PRKCE: variants seen among roughly 807,000 people sequenced by gnomAD.
PRKCE encodes protein kinase C epsilon type.
In PRKCE, 16 loss-of-function variants were observed where a neutral mutation model predicts 85.4. That is an observed-to-expected ratio of 0.19 (90% CI 0.13 to 0.28). PRKCE has a LOEUF of 0.28. Ranked by LOEUF, PRKCE falls within the 10% of genes least tolerant of loss-of-function variation. The pLI is 1.00. For missense variants in PRKCE, 573 were observed against 975.2 expected (o/e 0.59, Z 5.49); for synonymous variants, 388 against 371.5 (o/e 1.04, Z -0.51).
intron 2 of PRKCE, among the ~76,000 whole-genome samples, chr2:45,920,532 T>C (rs994803668): frequency 2.0e-5 from 3 of 152,154 alleles, no homozygotes; most frequent in African/African-American, 7.2e-5. Context: ...AATGGATAAA[T>C]AAAATGTGAA....
At chr2:46,006,260 G>C (rs898889915) in intron 8 of PRKCE, among the ~76,000 whole-genome samples, 1 of 152,202 alleles carries the variant, frequency 6.6e-6, no homozygotes, top group African/African-American at 2.4e-5. Flanking sequence ...AAACAACTAT[G>C]TTTTGCCTTC....
chr2:45,831,782 G>A (rs193140135), intron 1 of PRKCE, among the ~76,000 whole-genome samples: 1 of 152,196 alleles, frequency 6.6e-6, no homozygotes, highest in East Asian at 1.9e-4. Flanking sequence ...GAGTTATGGG[G>A]CAGAGGACTG....
chr2:45,884,997 A>ATTTTTTT lies in PRKCE; in HGVS notation c.412+41935_412+41936insTTTTTTT, dbSNP rs1360794938. On this transcript the variant is annotated intron_variant, in intron 2 of 14. Transcript: ENST00000306156. ...TATATATATATATATATATATATAT[A>ATTTTTTT]TATATTTGTTGTTGTTGTTGTTGTT... Among the ~76,000 whole-genome samples, 25 of 69,624 alleles carry ATTTTTTT rather than the reference A, an allele frequency of 3.6e-4. 3 individuals are homozygous for ATTTTTTT. In the East Asian group the frequency reaches 4.2e-3, roughly 12 times the overall value. The allele number at this position is 69,624 out of a possible 152,430, so 45.7% of individuals were successfully genotyped here. A position where few individuals can be genotyped will look rare whatever the true frequency, so the allele number is the denominator to read the frequency against.
chr2:45,772,897 A>C (rs376820296), intron 1 of PRKCE, among the ~76,000 whole-genome samples: 60 of 152,038 alleles, frequency 3.9e-4, no homozygotes, highest in African/African-American at 1.4e-3. Context: ...CACCCTATTG[A>C]GCCCCTGTTT....
At chr2:45,767,053 T>A (rs1684968926) in intron 1 of PRKCE, among the ~76,000 whole-genome samples, 1 of 139,988 alleles carries the variant, frequency 7.1e-6, no homozygotes, top group Non-Finnish European at 1.6e-5. Flanking sequence ...AAAAAAAAAA[T>A]AAGTAACTTC....
chr2:45,776,564 AT>A (rs1685764190), intron 1 of PRKCE, among the ~76,000 whole-genome samples: 1 of 152,170 alleles, frequency 6.6e-6, no homozygotes, highest in South Asian at 2.1e-4. Flanking sequence ...TAAGCTCAGT[AT>A]TTTCCAGTAG....
intron 6 of PRKCE, among the ~76,000 whole-genome samples, chr2:45,998,795 T>A (rs551277390): frequency 6.6e-6 from 1 of 152,332 alleles, no homozygotes; most frequent in Non-Finnish European, 1.5e-5. Flanking sequence ...GAGCATTTAA[T>A]ATGTTCGTAT....
intron 10 of PRKCE, among the ~76,000 whole-genome samples, chr2:46,084,144 C>T (rs778551210): frequency 1.3e-4 from 20 of 152,098 alleles, no homozygotes; most frequent in Non-Finnish European, 2.5e-4. Context: ...GGGGAGAAAA[C>T]GAGGTAGGCT....
intron 1 of PRKCE, among the ~76,000 whole-genome samples, chr2:45,654,125 T>C (rs570804749): frequency 6.6e-6 from 1 of 152,366 alleles, no homozygotes; most frequent in South Asian, 2.1e-4. Flanking sequence ...TGGGAGCCTT[T>C]TGCAGTGTAT....
chr2:45,796,470 G>A (rs1344992223), intron 1 of PRKCE, among the ~76,000 whole-genome samples: 1 of 152,164 alleles, frequency 6.6e-6, no homozygotes, highest in Admixed American at 6.5e-5. Context: ...AGCATTGGCT[G>A]CTATTATATC....
intron 12 of PRKCE, among the ~76,000 whole-genome samples, chr2:46,148,738 G>A (rs181738021): frequency 2.1e-3 from 321 of 152,334 alleles, no homozygotes; most frequent in Non-Finnish European, 3.4e-3. Context: ...TGGGGAGACC[G>A]CTGGCCATGA....
At chr2:45,754,786 G>C (rs1414093246) in intron 1 of PRKCE, among the ~76,000 whole-genome samples, 1 of 152,174 alleles carries the variant, frequency 6.6e-6, no homozygotes, top group African/African-American at 2.4e-5. Flanking sequence ...TGCATTGGAA[G>C]GCAAAGCTGT....
intron 10 of PRKCE, among the ~76,000 whole-genome samples, chr2:46,028,537 C>T (rs1431888675): frequency 6.6e-6 from 1 of 152,174 alleles, no homozygotes; most frequent in African/African-American, 2.4e-5. Context: ...ACATAGCACT[C>T]ACTGTGCTGC....
intron 6 of PRKCE, among the ~76,000 whole-genome samples, chr2:45,989,239 A>G (rs1225818881): frequency 6.6e-6 from 1 of 152,236 alleles, no homozygotes; most frequent in Non-Finnish European, 1.5e-5. Flanking sequence ...GGTGTACTCC[A>G]CGAAGACCTG....
rs78001294 is a variant in PRKCE, at chr2:46,053,412, T to C, written c.1438-32796T>C. On this transcript the variant is annotated intron_variant, in intron 10 of 14. Transcript: ENST00000306156. Reference sequence around the variant, plus strand: ...AGTTCTGCGGCATTAAATACATTCATAAAGTTATGCATCCGTCACCACTAT... The same window carrying C: ...AGTTCTGCGGCATTAAATACATTCACAAAGTTATGCATCCGTCACCACTAT... Among the ~76,000 whole-genome samples, 16 of 152,334 alleles carry C rather than the reference T, an allele frequency of 1.1e-4. No individual in the cohort carries two copies. The East Asian group carries it at 3.1e-3, about 29-fold the overall frequency.
intron 2 of PRKCE, among the ~76,000 whole-genome samples, chr2:45,864,096 G>A (rs1693389856): frequency 6.6e-6 from 1 of 152,134 alleles, no homozygotes; most frequent in Admixed American, 6.6e-5. Flanking sequence ...TTAACTGGTT[G>A]GAGAGAATGC....
chr2:45,679,380 A>G (rs983642800), intron 1 of PRKCE, among the ~76,000 whole-genome samples: 1 of 152,198 alleles, frequency 6.6e-6, no homozygotes, highest in Non-Finnish European at 1.5e-5. Flanking sequence ...TTCCACATCA[A>G]TTCACAAATT....
intron 11 of PRKCE, among the ~76,000 whole-genome samples, chr2:46,117,414 G>T (rs548956640): frequency 1.8e-4 from 27 of 152,192 alleles, no homozygotes; most frequent in Non-Finnish European, 3.1e-4. Flanking sequence ...AATAATGTAA[G>T]CCTGTAAAGG....
intron 11 of PRKCE, among the ~76,000 whole-genome samples, chr2:46,142,403 C>G (rs1675633114): frequency 6.6e-6 from 1 of 152,198 alleles, no homozygotes; most frequent in South Asian, 2.1e-4. Context: ...TTAACTTTTT[C>G]TGTCATTAAG....
Sources: allele counts gnomAD v4.1 joint callset (sites outside exome capture counted in the v4.1 genomes callset), GRCh38; gene constraint gnomAD v4.1.1; transcripts MANE v1.5; gene names NCBI Gene and HGNC (gene_info 2026-07-23, HGNC 2026-07-21).